Variants in CARNS1 observed in about 807,000 individuals in gnomAD.
CARNS1 encodes the protein carnosine synthase 1.
A neutral mutation model predicts 74.0 loss-of-function variants in CARNS1; 61 were observed. The observed-to-expected ratio is 0.82, with a 90% CI of 0.67 to 1.02. The LOEUF (loss-of-function observed/expected upper bound fraction) is 1.02, where lower values mean the gene tolerates loss of function less well. Ranked by LOEUF, CARNS1 falls within the 50% of genes least tolerant of loss-of-function variation. CARNS1 has a pLI of 0.00. For synonymous variants in CARNS1, 568 were observed against 605.5 expected, an observed-to-expected ratio of 0.94 and a Z score of 0.91; for missense variants, 1,278 against 1,308.4, an observed-to-expected ratio of 0.98 and a Z score of 0.36.
Position 67,417,634 on chromosome 11 carries a change from T to G in CARNS1, c.231T>G (p.Ala77=). 7.9e-7 allele frequency: 1 copy of G among 1,271,244 alleles called. No individual in the cohort carries two copies. Among genetic ancestry groups the G allele is most frequent in the Non-Finnish European group, 9.9e-7 (1 of 1,006,546 alleles). 78.7% of individuals were successfully genotyped at this position (1,271,244 alleles called of 1,614,324 possible). Residue 77 remains alanine, a synonymous_variant, in exon 3 of 10, where the codon GCT becomes GCG. Coordinates refer to ENST00000687366, the MANE Select transcript of CARNS1 (RefSeq NM_001166222.2). ...TCCTGCAGAGCTGTCTGCAGCAAGC[T>G]GGCCTTCCGGAGACTCAGGACCGCG... ...YSLLQSCLQQ[A]GLPETQDRGQ...
chr11:67,418,425 C>A lies in CARNS1; in HGVS notation c.275-6C>A. 1.4e-6 allele frequency: 2 copies of A among 1,445,108 alleles called. No individual in the cohort carries two copies. The highest frequency in any genetic ancestry group is 1.4e-5 in the South Asian group (1 of 71,236). The allele number at this position is 1,445,108 out of a possible 1,614,324, so 89.5% of individuals were successfully genotyped here. ...TGGTGAGCTGGGCCATGTTCTCTTT[C>A]CCGAGGCTGTCCTGGGGCGGAGGTG... On this transcript the variant is annotated splice_polypyrimidine_tract_variant and splice_region_variant and intron_variant, in intron 3 of 9. Transcript: ENST00000687366.
rs1269356834 is a variant in CARNS1 at position 67,417,539 on chromosome 11, G to A, written c.136G>A (p.Val46Met). The stretch of plus-strand genomic sequence containing the variant: ...CTTCCCTGGCTCCTGGCGCCAGGAC[G>A]TGGGCCTGGACTGCAAGGGATCCCC... ...GCFPGSWRQDVGLDCKGSPEG... is the reference protein window; with the variant it reads ...GCFPGSWRQDMGLDCKGSPEG... The change falls in exon 3 of 10, where the codon GTG (valine) becomes ATG (methionine). Residue 46 changes from valine to methionine, a missense_variant. By Grantham distance (21) the Val-to-Met change is conservative (BLOSUM62 1). Coordinates refer to ENST00000687366, the MANE Select transcript of CARNS1 (RefSeq NM_001166222.2). 6.3e-6 allele frequency: 9 copies of A among 1,418,796 alleles called. No individual in the cohort carries two copies. Among genetic ancestry groups the A allele is most frequent in the Non-Finnish European group, 8.3e-6 (9 of 1,088,844 alleles). 87.9% of individuals were successfully genotyped at this position (1,418,796 alleles called of 1,614,324 possible).
chr11:67,416,840 T>C (rs1169251293), intron 2 of CARNS1: 1 of 986,340 alleles, frequency 1.0e-6, no homozygotes, highest in Non-Finnish European at 1.2e-6. Flanking sequence ...GGGGGGATAC[T>C]GTCTAGCCTC....
chr11:67,415,748 C>A lies in CARNS1; in HGVS notation c.-40C>A. 1 of 154,260 alleles carries A rather than the reference C, an allele frequency of 6.5e-6. No individual in the cohort carries two copies. The highest frequency in any genetic ancestry group is 1.4e-5 in the Non-Finnish European group (1 of 69,148). 9.6% of individuals were successfully genotyped at this position (154,260 alleles called of 1,614,324 possible). Reference sequence around the variant, plus strand: ...GAGTCCGCCCGCCACGCCCGCCGAGCCGCTGCCGCCGCCAGGTACCCCAGC... The same window carrying A: ...GAGTCCGCCCGCCACGCCCGCCGAGACGCTGCCGCCGCCAGGTACCCCAGC... On this transcript the variant is annotated 5_prime_UTR_variant, in exon 1 of 10. Transcript: ENST00000687366.
At position 67,424,631 on chromosome 11, in the gene CARNS1, C is replaced by A; in HGVS notation, c.*30C>A. On this transcript the variant is annotated 3_prime_UTR_variant, in exon 10 of 10. Coordinates refer to ENST00000687366, the MANE Select transcript of CARNS1 (RefSeq NM_001166222.2). ...GGGGTCAGGGGGCAGGGAAGCAGTG[C>A]TGGGTGGAGGCACTGTGGTGCCCTC... The A allele has an allele frequency of 6.3e-7, 1 of 1,575,546 alleles. No individual in the cohort carries two copies.
intron 2 of CARNS1, chr11:67,417,117 A>C: frequency 8.5e-7 from 1 of 1,170,568 alleles, no homozygotes; most frequent in Non-Finnish European, 1.1e-6. Flanking sequence ...CTGTGAAGCA[A>C]GCTAAGGCGG....
At position 67,424,068 on chromosome 11, in the gene CARNS1, G is replaced by C. The variant is rs1434218656; in HGVS notation, c.2320G>C (p.Glu774Gln). The change falls in exon 10 of 10, where the codon GAG becomes CAG. Residue 774 changes from glutamate to glutamine, a missense_variant. Around this residue, in one of 3 missense-constraint regions of CARNS1, gnomAD observed 1,164 missense variants for 1,156.5 expected, o/e 1.01. Coordinates refer to ENST00000687366, the MANE Select transcript of CARNS1 (RefSeq NM_001166222.2). ...CTGCATGCCCACCGGGCTGGCACCA[G>C]AGCAGGAGGCACAGATGGTTCAGGC... ...AACMPTGLAP[E>Q]QEAQMVQAAF... The C allele has an allele frequency of 5.0e-6, 8 of 1,613,168 alleles. No individual in the cohort carries two copies. In the Admixed American group the frequency reaches 6.7e-5, roughly 13 times the overall value.
At chr11:67,419,268 G>A in intron 5 of CARNS1, 25 bp downstream of exon 5, 2 of 1,472,036 alleles carry the variant, frequency 1.4e-6, no homozygotes, top group Non-Finnish European at 1.8e-6. Context: ...CCCACCCTGA[G>A]GTCTGTACAG....
At position 67,419,328 on chromosome 11, in the gene CARNS1, G is replaced by A. The variant is rs2135085836; in HGVS notation, c.852+85G>A. The A allele has an allele frequency of 4.1e-6, 6 of 1,467,274 alleles. No homozygotes were observed. The South Asian group carries it at 4.1e-5, about 10-fold the overall frequency. 90.9% of individuals were successfully genotyped at this position (1,467,274 alleles called of 1,614,324 possible). ...ACGGTTACCAAGTCTGGCTGGAAAG[G>A]TGTCCCTACCTCTTAGCCCTGCCGC... On this transcript the variant is annotated intron_variant, in intron 5 of 9. Coordinates refer to ENST00000687366, the MANE Select transcript of CARNS1 (RefSeq NM_001166222.2).
Position 67,419,223 on chromosome 11 carries a change from G to C in CARNS1, c.832G>C (p.Ala278Pro). ...EEVEAFLRSEALGDILQVAVK... is the reference protein window; with the variant it reads ...EEVEAFLRSEPLGDILQVAVK... ...AGTGGAGGCTTTTCTGCGCTCCGAGGCCCTGGGTGATATCCTGCAGGTAAC... is the reference window on the plus strand; with the variant it reads ...AGTGGAGGCTTTTCTGCGCTCCGAGCCCCTGGGTGATATCCTGCAGGTAAC... The change falls in exon 5 of 10, where the codon GCC becomes CCC. Residue 278 changes from alanine to proline, a missense_variant. By Grantham distance (27) the Ala-to-Pro change is conservative. Around this residue, in one of 3 missense-constraint regions of CARNS1, gnomAD observed 1,164 missense variants for 1,156.5 expected, o/e 1.01. Coordinates refer to ENST00000687366, the MANE Select transcript of CARNS1 (RefSeq NM_001166222.2). 9.4e-6 allele frequency: 14 copies of C among 1,486,736 alleles called. No individual in the cohort carries two copies. The highest frequency in any genetic ancestry group is 1.3e-5 in the Non-Finnish European group (14 of 1,112,730). The allele number at this position is 1,486,736 out of a possible 1,614,324, so 92.1% of individuals were successfully genotyped here.
intron 2 of CARNS1, 75 bp from the exon 3 acceptor site, chr11:67,417,332 G>A: frequency 7.9e-7 from 1 of 1,273,746 alleles, no homozygotes; most frequent in South Asian, 2.7e-5. Context: ...GGAGAGTGGG[G>A]GGCTTACACC....
chr11:67,420,965 G>A lies in CARNS1; in HGVS notation c.1372G>A (p.Gly458Ser). ...CGTGGATTTCGCGCTGACAGCGGCC[G>A]GCGGCGTGCTGACCCCAGTGGCCCT... ...LGVDFALTAA[G>S]GVLTPVALEL... Residue 458 changes from glycine (G) to serine (S), a missense_variant, in exon 9 of 10, where the codon GGC becomes AGC. This residue lies in a region of CARNS1 where 1,164 missense variants were observed against 1,156.5 expected (regional missense o/e 1.01). Coordinates refer to ENST00000687366, the MANE Select transcript of CARNS1 (RefSeq NM_001166222.2). 7.0e-7 allele frequency: 1 copy of A among 1,424,814 alleles called. No individual in the cohort carries two copies. The highest frequency in any genetic ancestry group is 9.2e-7 in the Non-Finnish European group (1 of 1,091,858). The allele number at this position is 1,424,814 out of a possible 1,614,324, so 88.3% of individuals were successfully genotyped here.
intron 2 of CARNS1, chr11:67,417,100 T>C: frequency 8.8e-7 from 1 of 1,138,180 alleles, no homozygotes. Context: ...AGCAGAAAAC[T>C]CTGCTGCTGT....
Position 67,419,163 on chromosome 11 carries a change from G to T in CARNS1, c.772G>T (p.Gly258Cys). ...SLGLRLVELS[G>C]KEGQETLVKE... ...AGGGCTACGGCTGGTGGAGCTGAGT[G>T]GCAAAGAGGGCCAGGAGACGCTGGT... is the stretch of plus-strand genomic sequence containing the variant. Residue 258 changes from glycine to cysteine, a missense_variant, in exon 5 of 10, where the codon GGC (glycine) becomes TGC (cysteine). Around this residue, in one of 3 missense-constraint regions of CARNS1, gnomAD observed 1,164 missense variants for 1,156.5 expected, o/e 1.01. Coordinates refer to ENST00000687366, the MANE Select transcript of CARNS1 (RefSeq NM_001166222.2). 6.4e-7 allele frequency: 1 copy of T among 1,551,218 alleles called. No homozygotes were observed. Among genetic ancestry groups the T allele is most frequent in the Non-Finnish European group, 8.7e-7 (1 of 1,144,598 alleles).
rs750224794 is a variant in CARNS1 at position 67,419,806 on chromosome 11, C to T, written c.1081C>T (p.Arg361Trp). 1.2e-5 allele frequency: 19 copies of T among 1,598,510 alleles called. No individual in the cohort carries two copies. The Admixed American group carries it at 1.7e-4, about 14-fold the overall frequency. ...CGTGCGAATCTGTGCTGTGGTGTGT[C>T]GGACACAGGGTGATAGGCCACTGCT... ...LAVRICAVVC[R>W]TQGDRPLLSK... Residue 361 changes from arginine (R) to tryptophan (W), a missense_variant, in exon 7 of 10, where the codon CGG (arginine) becomes TGG (tryptophan). Arg to Trp is a moderately radical substitution (Grantham distance 101, BLOSUM62 -3). This residue lies in a region of CARNS1 where 1,164 missense variants were observed against 1,156.5 expected (regional missense o/e 1.01). Transcript: ENST00000687366.
chr11:67,417,088 C>T, intron 2 of CARNS1: 2 of 1,113,310 alleles, frequency 1.8e-6, no homozygotes, highest in Non-Finnish European at 2.2e-6. Context: ...ATGAACAAAA[C>T]AAGCAGAAAA....
Position 67,424,478 on chromosome 11 carries a change from C to T in CARNS1, c.2730C>T (p.Cys910=), listed in dbSNP as rs985997066. The T allele has an allele frequency of 1.3e-6, 2 of 1,588,158 alleles. No homozygotes were observed. The highest frequency in any genetic ancestry group is 3.6e-5 in the Admixed American group (2 of 55,848). ...CTGGCGAGTATGAGGAGCCCTACTGCAGTGTGGCCTGTGCCGGACCCAGCC... is the reference window on the plus strand; with the variant it reads ...CTGGCGAGTATGAGGAGCCCTACTGTAGTGTGGCCTGTGCCGGACCCAGCC... The part of the protein sequence containing the change: ...LVPGEYEEPY[C]SVACAGPSPT... Residue 910 remains cysteine (C), a synonymous_variant, in exon 10 of 10, where the codon TGC becomes TGT. Transcript: ENST00000687366.
rs1863783851 is a variant in CARNS1 at position 67,424,407 on chromosome 11, G to C, written c.2659G>C (p.Asp887His). The C allele has an allele frequency of 6.3e-7, 1 of 1,590,060 alleles. No homozygotes were observed. Among genetic ancestry groups the C allele is most frequent in the Non-Finnish European group, 8.6e-7 (1 of 1,168,634 alleles). ...CCGTGAGACCCTGCAGGCCCTGCACGACCGTGGACTGCTACGCCTCAATCT... is the reference window on the plus strand; with the variant it reads ...CCGTGAGACCCTGCAGGCCCTGCACCACCGTGGACTGCTACGCCTCAATCT... The part of the protein sequence containing the change: ...ASRETLQALH[D>H]RGLLRLNLLE... The change falls in exon 10 of 10, where the codon GAC (aspartate) becomes CAC (histidine). Residue 887 changes from aspartate to histidine, a missense_variant. This residue lies in a region of CARNS1 where 1,164 missense variants were observed against 1,156.5 expected (regional missense o/e 1.01). Transcript: ENST00000687366.
intron 3 of CARNS1, 136 bp downstream of exon 3, chr11:67,417,813 C>A (rs1381891559): frequency 1.7e-6 from 1 of 593,748 alleles, no homozygotes; most frequent in Non-Finnish European, 2.5e-6. Context: ...GAAGGCACAG[C>A]CAGTTGGCCT....
Sources: allele counts gnomAD v4.1 joint callset, GRCh38; gene constraint gnomAD v4.1.1; regional missense constraint gnomAD v4.1.1; transcripts MANE v1.5; gene names NCBI Gene and HGNC (gene_info 2026-07-23, HGNC 2026-07-21).